The following ZBTB25 variants were observed in gnomAD, a reference collection of about 807,000 sequenced individuals.
ZBTB25 encodes zinc finger and BTB domain-containing protein 25.
Under a neutral mutation model 34.2 loss-of-function variants are expected in ZBTB25, and 20 were observed. That is an observed-to-expected ratio of 0.58 (90% confidence interval 0.41 to 0.85). ZBTB25 has a LOEUF of 0.85. Among genes scored for constraint, ZBTB25 ranks in the 40% least tolerant of loss-of-function variants. ZBTB25 has a pLI of 0.00. For missense variants in ZBTB25, 437 were observed against 521.8 expected (o/e 0.84, Z 1.58); for synonymous variants, 175 against 186.4 (o/e 0.94, Z 0.50).
chr14:64,449,141 G>A (rs1230549653), exon 3 of ZBTB25: 1 of 427,888 alleles, frequency 2.3e-6, no homozygotes, highest in African/African-American at 2.0e-5. Context: ...TCCTTCTGGA[G>A]TGCTGGGAAT....
At chr14:64,454,605 T>C (rs1336521649) in intron 2 of ZBTB25, 26 of 806,466 alleles carry the variant, frequency 3.2e-5, no homozygotes, top group Admixed American at 7.9e-5. Context: ...GAGATGTATA[T>C]AAAGGGAGTT....
chr14:64,464,991 GTTTC>G (rs1262976732), intron 2 of ZBTB25, among the ~76,000 whole-genome samples: 3 of 152,194 alleles, frequency 2.0e-5, no homozygotes, highest in African/African-American at 7.2e-5. Context: ...AGAAAGTCGG[GTTTC>G]TTTCTGTTTC....
chr14:64,495,615 G>A (rs1195593190), intron 1 of ZBTB25, among the ~76,000 whole-genome samples: 1 of 152,202 alleles, frequency 6.6e-6, no homozygotes, highest in East Asian at 1.9e-4. Flanking sequence ...TCCAGTTGCA[G>A]ACCTCAATCT....
At position 64,487,740 on chromosome 14, in the gene ZBTB25, T is replaced by C; in HGVS notation, c.491A>G (p.Asp164Gly). ...NSGNRAAVQG[D>G]HPQLQLSLAI... is the part of the protein sequence containing the mutation. ...AAGAGACAACTGCAACTGGGGGTGGTCACCCTGGACAGCAGCTCTGTTTCC... is the reference window on the plus strand; with the variant it reads ...AAGAGACAACTGCAACTGGGGGTGGCCACCCTGGACAGCAGCTCTGTTTCC... Residue 164 changes from aspartate (D) to glycine (G), a missense_variant, in exon 3 of 3, where the codon GAC becomes GGC. Asp to Gly is a moderately conservative substitution (Grantham distance 94). Transcript: ENST00000608382. The C allele has an allele frequency of 6.2e-7, 1 of 1,614,048 alleles. No individual in the cohort carries two copies. Among genetic ancestry groups the C allele is most frequent in the Non-Finnish European group, 8.5e-7 (1 of 1,180,014 alleles).
At chr14:64,490,842 TATGTGAACACAA>T (rs757678415) in intron 1 of ZBTB25, among the ~76,000 whole-genome samples, 27 of 152,240 alleles carry the variant, frequency 1.8e-4, no homozygotes, top group Non-Finnish European at 2.2e-4. Context: ...CTTTTCCATC[TATGTGAACACAA>T]TGTTTCTAAT....
intron 2 of ZBTB25, chr14:64,469,385 G>A (rs1448760876): frequency 1.2e-6 from 2 of 1,613,822 alleles, no homozygotes; most frequent in East Asian, 2.2e-5. Context: ...CAAATCAGAA[G>A]AAAGCAAAAG....
Position 64,486,028 on chromosome 14 carries a change from GAT to G in ZBTB25, c.*893_*894del. On this transcript the variant is annotated 3_prime_UTR_variant, in exon 3 of 3. Transcript: ENST00000608382. ...TAACTGTTTTTTTTATTAAAAATGA[GAT>G]ATACCACATCTGTAATCCCAGCACT... 1.0e-6 allele frequency: 1 copy of G among 984,116 alleles called. No individual in the cohort carries two copies. The highest frequency in any genetic ancestry group is 1.2e-6 in the Non-Finnish European group (1 of 828,878). The allele number at this position is 984,116 out of a possible 1,614,324, so 61.0% of individuals were successfully genotyped here.
At chr14:64,449,481 C>G in exon 3 of ZBTB25, 1 of 1,613,990 alleles carries the variant, frequency 6.2e-7, no homozygotes, top group Non-Finnish European at 8.5e-7. Context: ...TCATCAGCCG[C>G]CTTTCCAGAG....
Position 64,487,867 on chromosome 14 carries a change from T to G in ZBTB25, c.364A>C (p.Thr122Pro). The stretch of plus-strand genomic sequence containing the variant: ...CCATATAAATTTGAGGACTGCACAG[T>G]CTCTGGTGAGAACACTTGATTCATT... Reference protein sequence around the residue: ...TEMNQVFSPETVQSSNLYGIQ... With the variant: ...TEMNQVFSPEPVQSSNLYGIQ... Residue 122 changes from threonine (T) to proline (P), a missense_variant, in exon 3 of 3, where the codon ACT (threonine) becomes CCT (proline). Transcript: ENST00000608382. The G allele has an allele frequency of 6.2e-7, 1 of 1,614,176 alleles. No homozygotes were observed. Among genetic ancestry groups the G allele is most frequent in the Non-Finnish European group, 8.5e-7 (1 of 1,180,034 alleles).
At chr14:64,465,016 T>C (rs915888154) in intron 2 of ZBTB25, among the ~76,000 whole-genome samples, 17 of 152,334 alleles carry the variant, frequency 1.1e-4, no homozygotes, top group African/African-American at 4.1e-4. Flanking sequence ...CATTTATATA[T>C]GTAATTTTCG....
chr14:64,483,974 C>G lies in ZBTB25; in HGVS notation c.*2949G>C, dbSNP rs1392063263. 7.5e-6 allele frequency: 1 copy of G among 133,084 alleles called. No individual in the cohort carries two copies. The highest frequency in any genetic ancestry group is 2.3e-4 in the South Asian group (1 of 4,268). The allele number at this position is 133,084 out of a possible 1,614,324, so 8.2% of individuals were successfully genotyped here. On this transcript the variant is annotated 3_prime_UTR_variant, in exon 3 of 3. Transcript: ENST00000608382. ...AAAAAAAAAAAAAAAAAAAAGCCTG[C>G]AGAATAAATGAAAACAACAATAACA...
Position 64,480,360 on chromosome 14 carries a change from A to G in ZBTB25, c.*6563T>C. On this transcript the variant is annotated 3_prime_UTR_variant, in exon 3 of 3. Coordinates refer to ENST00000608382, the MANE Select transcript of ZBTB25 (RefSeq NM_006977.5). ...AAAAAAAAAAAAGAAGAAGCAAAGCAAGAAACTTCTGGGAAATGACGAAAT... is the reference window on the plus strand; with the variant it reads ...AAAAAAAAAAAAGAAGAAGCAAAGCGAGAAACTTCTGGGAAATGACGAAAT... 2.5e-6 allele frequency: 1 copy of G among 402,020 alleles called. No homozygotes were observed. The highest frequency in any genetic ancestry group is 3.3e-5 in the Admixed American group (1 of 30,144). The allele number at this position is 402,020 out of a possible 1,614,324, so 24.9% of individuals were successfully genotyped here. A position where few individuals can be genotyped will look rare whatever the true frequency, so the allele number is the denominator to read the frequency against.
chr14:64,469,031 G>C (rs2078640081), intron 2 of ZBTB25: 1 of 1,614,056 alleles, frequency 6.2e-7, no homozygotes, highest in African/African-American at 1.3e-5. Context: ...GATTTCAGTA[G>C]AACTTGGATT....
rs905634195 is a variant in ZBTB25, at chr14:64,479,757, T to A, written c.*7166A>T. On this transcript the variant is annotated 3_prime_UTR_variant, in exon 3 of 3. Transcript: ENST00000608382. ...AGCTTTTGGACTGGAACTTATGCCA[T>A]AAGCTCTCCTGGTTCTCAGGTCTTC... 1 of 152,288 alleles carries A rather than the reference T, an allele frequency of 6.6e-6. No homozygotes were observed. Among genetic ancestry groups the A allele is most frequent in the Admixed American group, 6.5e-5 (1 of 15,284 alleles). The allele number at this position is 152,288 out of a possible 1,614,324, so 9.4% of individuals were successfully genotyped here.
chr14:64,490,615 T>G, intron 1 of ZBTB25, 75 bp from the exon 2 acceptor site: 1 of 1,357,414 alleles, frequency 7.4e-7, no homozygotes, highest in Non-Finnish European at 9.9e-7. Flanking sequence ...TACAAAATTG[T>G]CTACAGTTCA....
intron 1 of ZBTB25, among the ~76,000 whole-genome samples, chr14:64,497,124 T>A (rs946751952): frequency 6.6e-6 from 1 of 151,862 alleles, no homozygotes; most frequent in Non-Finnish European, 1.5e-5. Flanking sequence ...AATAAGGGAG[T>A]AAACTTTTCA....
At chr14:64,452,875 A>G (rs1220746916) in intron 2 of ZBTB25, among the ~76,000 whole-genome samples, 1 of 151,718 alleles carries the variant, frequency 6.6e-6, no homozygotes, top group Non-Finnish European at 1.5e-5. Flanking sequence ...TTTAATTTTT[A>G]TTATTATTTT....
At position 64,487,717 on chromosome 14, in the gene ZBTB25, G is replaced by A; in HGVS notation, c.514C>T (p.Leu172Phe). ...QGDHPQLQLS[L>F]AIGLDDGTAD... Reference sequence around the variant, plus strand: ...GTGCCATCATCCAGACCAATAGCAAGAGACAACTGCAACTGGGGGTGGTCA... The same window carrying A: ...GTGCCATCATCCAGACCAATAGCAAAAGACAACTGCAACTGGGGGTGGTCA... Residue 172 changes from leucine to phenylalanine, a missense_variant, in exon 3 of 3, where the codon CTT becomes TTT. Physicochemically the swap from Leu to Phe is conservative, Grantham distance 22. Transcript: ENST00000608382. 1 of 1,613,782 alleles carries A rather than the reference G, an allele frequency of 6.2e-7. No homozygotes were observed. The highest frequency in any genetic ancestry group is 8.5e-7 in the Non-Finnish European group (1 of 1,179,884).
At chr14:64,504,449 G>C (rs935787494), upstream of ZBTB25, 2 of 154,144 alleles carry the variant, frequency 1.3e-5, no homozygotes, top group Non-Finnish European at 2.9e-5. Flanking sequence ...GTTCCATCCA[G>C]CTGTGCAAAC....
Sources: gnomAD v4.1 joint callset for allele counts (sites outside exome capture counted in the v4.1 genomes callset) on GRCh38, gnomAD v4.1.1 for gene constraint, MANE v1.5 for transcripts, NCBI Gene and HGNC (gene_info 2026-07-23, HGNC 2026-07-21) for gene names.